Variants in CFAP299 observed in about 807,000 individuals in gnomAD.
CFAP299 encodes cilia and flagella associated protein 299, also known as cilia- and flagella-associated protein 299.
CFAP299 carries 21 observed loss-of-function variants against 27.0 expected under a neutral mutation model. The ratio of observed to expected loss-of-function variants is 0.78; its 90% confidence interval spans 0.55 to 1.12. The LOEUF is 1.12. CFAP299 is among the 50% of genes most tolerant of loss of function. The probability of loss-of-function intolerance (pLI) is 0.00; values close to 1 mark genes in which losing one functional copy is unlikely to be tolerated. For synonymous variants in CFAP299, 104 were observed against 98.1 expected, an observed-to-expected ratio of 1.06 and a Z score of -0.36; for missense variants, 310 against 276.6, an observed-to-expected ratio of 1.12 and a Z score of -0.86.
intron 2 of CFAP299, among the ~76,000 whole-genome samples, chr4:80,567,747 AT>A (rs1735378134): frequency 6.6e-6 from 1 of 150,796 alleles, no homozygotes; most frequent in Non-Finnish European, 1.5e-5. Context: ...ATATATATAT[AT>A]ATAAGTACAT....
chr4:80,558,199 A>C (rs1168881789), intron 2 of CFAP299, among the ~76,000 whole-genome samples: 2 of 152,090 alleles, frequency 1.3e-5, no homozygotes, highest in African/African-American at 2.4e-5. Context: ...CCTAAAGAAG[A>C]TGTAAAACCT....
chr4:80,352,287 G>T (rs1723054859), intron 1 of CFAP299, among the ~76,000 whole-genome samples: 2 of 152,176 alleles, frequency 1.3e-5, no homozygotes, highest in Admixed American at 1.3e-4. Context: ...GCAGTCAAAG[G>T]CCAGGTGCAG....
At chr4:80,838,058 G>A (rs1459642997) in intron 3 of CFAP299, among the ~76,000 whole-genome samples, 1 of 152,162 alleles carries the variant, frequency 6.6e-6, no homozygotes, top group African/African-American at 2.4e-5. Context: ...TTTGCTGGCT[G>A]CATAAATGTC....
At position 80,642,021 on chromosome 4, in the gene CFAP299, G is replaced by A. The variant is rs140848756; in HGVS notation, c.333+58838G>A. On this transcript the variant is annotated intron_variant, in intron 3 of 5. Coordinates refer to ENST00000358105, the MANE Select transcript of CFAP299 (RefSeq NM_152770.3). ...GTTTCACAGATATTTAGGAGTCACC[G>A]TATGAAGGTAATGGGGCAGAAAGGT... 9.6e-3 allele frequency among the ~76,000 whole-genome samples: 1,466 copies of A among 152,308 alleles called. 17 individuals carry two copies. The highest frequency in any genetic ancestry group is 0.053 in the South Asian group (255 of 4,822).
chr4:80,721,617 A>G (rs1722816637), intron 3 of CFAP299, among the ~76,000 whole-genome samples: 1 of 152,204 alleles, frequency 6.6e-6, no homozygotes, highest in Non-Finnish European at 1.5e-5. Context: ...ACTTCAACAT[A>G]TGAATTTTGG....
intron 2 of CFAP299, among the ~76,000 whole-genome samples, chr4:80,505,826 G>A (rs1017437097): frequency 3.9e-5 from 6 of 152,050 alleles, no homozygotes; most frequent in African/African-American, 1.2e-4. Flanking sequence ...GAGCGGAGTG[G>A]TGTGCACCTG....
At chr4:80,382,898 C>G (rs1724779448) in intron 2 of CFAP299, among the ~76,000 whole-genome samples, 1 of 152,140 alleles carries the variant, frequency 6.6e-6, no homozygotes, top group Non-Finnish European at 1.5e-5. Context: ...CACTGCAGCA[C>G]TGTTCACAAT....
In CFAP299 at chr4:80,911,406, A is replaced by C. The variant is rs573575139; in HGVS notation, c.477-33404A>C. On this transcript the variant is annotated intron_variant, in intron 4 of 5. Coordinates refer to ENST00000358105, the MANE Select transcript of CFAP299 (RefSeq NM_152770.3). ...AATTTTCACATCAAATATACAAGTAAATGTGTTTATTTTAAAAAGAACGAG... is the reference window on the plus strand; with the variant it reads ...AATTTTCACATCAAATATACAAGTACATGTGTTTATTTTAAAAAGAACGAG... Among the ~76,000 whole-genome samples, 105 of 152,268 alleles carry C rather than the reference A, an allele frequency of 6.9e-4. 1 individual carries two copies. The Middle Eastern group carries it at 0.01, about 15-fold the overall frequency.
chr4:80,346,778 A>G (rs1354841672), intron 1 of CFAP299, among the ~76,000 whole-genome samples: 1 of 152,086 alleles, frequency 6.6e-6, no homozygotes, highest in Admixed American at 6.6e-5. Flanking sequence ...TTCCATATGA[A>G]CTTTAAAGTA....
At chr4:80,469,719 T>C (rs908482558) in intron 2 of CFAP299, among the ~76,000 whole-genome samples, 1 of 152,140 alleles carries the variant, frequency 6.6e-6, no homozygotes, top group Non-Finnish European at 1.5e-5. Context: ...TCATTTTTAT[T>C]AATGAGAATT....
chr4:80,598,187 A>G (rs1007423182), intron 3 of CFAP299, among the ~76,000 whole-genome samples: 3 of 152,214 alleles, frequency 2.0e-5, no homozygotes, highest in African/African-American at 4.8e-5. Context: ...GCATAGATAA[A>G]CAAGAAGCCT....
intron 2 of CFAP299, among the ~76,000 whole-genome samples, chr4:80,462,426 C>T (rs1055064248): frequency 6.6e-5 from 10 of 152,198 alleles, no homozygotes; most frequent in Non-Finnish European, 8.8e-5. Context: ...TTCTTGCTAA[C>T]GTCAACAAAG....
intron 3 of CFAP299, among the ~76,000 whole-genome samples, chr4:80,832,211 A>C (rs950230752): frequency 1.1e-4 from 17 of 152,168 alleles, no homozygotes; most frequent in African/African-American, 4.1e-4. Context: ...GCAGTACAGG[A>C]TACGCACTAC....
intron 3 of CFAP299, among the ~76,000 whole-genome samples, chr4:80,838,539 T>C (rs1730689047): frequency 6.6e-6 from 1 of 152,088 alleles, no homozygotes; most frequent in Non-Finnish European, 1.5e-5. Context: ...CATTGCTTGC[T>C]TTTTGTCAGG....
At chr4:80,571,583 G>A (rs1390192360) in intron 2 of CFAP299, among the ~76,000 whole-genome samples, 1 of 152,020 alleles carries the variant, frequency 6.6e-6, no homozygotes, top group African/African-American at 2.4e-5. Flanking sequence ...GCATATTATG[G>A]ACTAAACTGT....
At chr4:80,554,625 C>A (rs1734702220) in intron 2 of CFAP299, among the ~76,000 whole-genome samples, 2 of 148,762 alleles carry the variant, frequency 1.3e-5, no homozygotes, top group Admixed American at 1.4e-4. Context: ...TTCTTTCTAT[C>A]CATAAGCATG....
At chr4:80,724,638 T>C (rs917118014) in intron 3 of CFAP299, among the ~76,000 whole-genome samples, 4 of 152,048 alleles carry the variant, frequency 2.6e-5, no homozygotes, top group Admixed American at 1.3e-4. Flanking sequence ...GATTTTATAA[T>C]TGTTTAATTC....
At chr4:80,368,454 T>C (rs988450025) in intron 2 of CFAP299, among the ~76,000 whole-genome samples, 4 of 152,218 alleles carry the variant, frequency 2.6e-5, no homozygotes, top group Non-Finnish European at 5.9e-5. Context: ...TCTGCTATAA[T>C]GTATAGTTAT....
chr4:80,335,752 C>T lies in CFAP299; in HGVS notation c.-17C>T. Reference sequence around the variant, plus strand: ...CCTGCTTCCGTTGCTAGGGACGCTTCGGCCGAGGATACCGCAATGGATCAG... The same window carrying T: ...CCTGCTTCCGTTGCTAGGGACGCTTTGGCCGAGGATACCGCAATGGATCAG... On this transcript the variant is annotated 5_prime_UTR_variant, in exon 1 of 6. Transcript: ENST00000358105. The T allele has an allele frequency of 6.5e-7, 1 of 1,533,894 alleles. No individual in the cohort carries two copies. Among genetic ancestry groups the T allele is most frequent in the Non-Finnish European group, 9.0e-7 (1 of 1,107,150 alleles).
Sources: gnomAD v4.1 joint callset for allele counts (sites outside exome capture counted in the v4.1 genomes callset) on GRCh38, gnomAD v4.1.1 for gene constraint, MANE v1.5 for transcripts, NCBI Gene and HGNC (gene_info 2026-07-23, HGNC 2026-07-21) for gene names.